LIN28B: variants seen among roughly 807,000 people sequenced by gnomAD.
LIN28B encodes the protein protein lin-28 homolog B.
Under a neutral mutation model 21.9 loss-of-function variants are expected in LIN28B, and 5 were observed. The observed-to-expected ratio is 0.23, with a 90% CI of 0.12 to 0.48. The LOEUF is 0.48. LIN28B is among the 20% of genes least tolerant of loss of function. The pLI is 0.98. For synonymous variants in LIN28B, 109 were observed against 111.3 expected, an observed-to-expected ratio of 0.98 and a Z score of 0.13; for missense variants, 245 against 310.5, an observed-to-expected ratio of 0.79 and a Z score of 1.58.
intron 3 of LIN28B, among the ~76,000 whole-genome samples, chr6:105,057,677 T>C (rs2114396155): frequency 6.6e-6 from 1 of 152,340 alleles, no homozygotes; most frequent in Non-Finnish European, 1.5e-5. Flanking sequence ...TGTATTATTG[T>C]GTAGTTTTAC....
intron 3 of LIN28B, among the ~76,000 whole-genome samples, chr6:105,065,016 T>C (rs1408088450): frequency 6.6e-6 from 1 of 152,230 alleles, no homozygotes; most frequent in Non-Finnish European, 1.5e-5. Flanking sequence ...TTTGGACTTG[T>C]ATAAACAATC....
At chr6:105,069,309 T>A (rs1772283995) in intron 3 of LIN28B, among the ~76,000 whole-genome samples, 1 of 152,186 alleles carries the variant, frequency 6.6e-6, no homozygotes, top group Non-Finnish European at 1.5e-5. Flanking sequence ...ATTTATATGC[T>A]GTTCAAAATT....
intron 2 of LIN28B, among the ~76,000 whole-genome samples, chr6:105,011,982 AC>A (rs1435531857): frequency 6.6e-6 from 1 of 152,016 alleles, no homozygotes; most frequent in Admixed American, 6.6e-5. Flanking sequence ...ACATGGTGAA[AC>A]CCCATCTCTA....
At chr6:104,991,804 A>T (rs902560188) in intron 2 of LIN28B, among the ~76,000 whole-genome samples, 8 of 152,178 alleles carry the variant, frequency 5.3e-5, no homozygotes, top group Non-Finnish European at 1.0e-4. Context: ...CGCGGTTAGG[A>T]GCTGGAGACC....
intron 2 of LIN28B, among the ~76,000 whole-genome samples, chr6:104,945,037 GCTA>G (rs1327027200): frequency 2.6e-5 from 4 of 152,070 alleles, no homozygotes; most frequent in African/African-American, 9.7e-5. Context: ...GAGCCGAAAT[GCTA>G]CTTTTATGTT....
intron 3 of LIN28B, among the ~76,000 whole-genome samples, chr6:105,057,049 A>T (rs914372189): frequency 6.6e-6 from 1 of 152,228 alleles, no homozygotes. Flanking sequence ...CATATTCAGA[A>T]GCCCACTGAA....
At chr6:104,981,213 T>C (rs1770216511) in intron 2 of LIN28B, among the ~76,000 whole-genome samples, 1 of 152,220 alleles carries the variant, frequency 6.6e-6, no homozygotes, top group Non-Finnish European at 1.5e-5. Flanking sequence ...ACTTGGGTTT[T>C]TTTTCCTCCC....
chr6:105,018,873 C>T (rs988080084), intron 2 of LIN28B, among the ~76,000 whole-genome samples: 14 of 152,096 alleles, frequency 9.2e-5, no homozygotes, highest in Admixed American at 7.9e-4. Context: ...TCTCAAATAG[C>T]TCTGGATATA....
rs115137340 is a variant in LIN28B at position 105,027,599 on chromosome 6, A to C, written c.383+1117A>C. 5.0e-3 allele frequency among the ~76,000 whole-genome samples: 766 copies of C among 152,072 alleles called. 5 individuals carry two copies. Among genetic ancestry groups the C allele is most frequent in the African/African-American group, 0.018 (734 of 41,562 alleles). ...AGCTTATAAAATATATTTTATCTTTAATGATAGTTTTTAAAAAGTATTTTG... is the reference window on the plus strand; with the variant it reads ...AGCTTATAAAATATATTTTATCTTTCATGATAGTTTTTAAAAAGTATTTTG... On this transcript the variant is annotated intron_variant, in intron 3 of 3. Coordinates refer to ENST00000345080, the MANE Select transcript of LIN28B (RefSeq NM_001004317.4).
chr6:105,018,896 T>A (rs1332594484), intron 2 of LIN28B, among the ~76,000 whole-genome samples: 1 of 152,088 alleles, frequency 6.6e-6, no homozygotes, highest in African/African-American at 2.4e-5. Flanking sequence ...AAATAGATGG[T>A]GTATAAAATT....
intron 3 of LIN28B, among the ~76,000 whole-genome samples, chr6:105,076,175 A>G (rs1432962698): frequency 6.6e-6 from 1 of 152,180 alleles, no homozygotes. Context: ...GTAATACTTT[A>G]TTAAGATATG....
chr6:104,979,450 C>T (rs1770174879), intron 2 of LIN28B, among the ~76,000 whole-genome samples: 1 of 152,062 alleles, frequency 6.6e-6, no homozygotes, highest in South Asian at 2.1e-4. Flanking sequence ...CTCAAGTCAT[C>T]CACCCGCCTT....
At chr6:105,039,372 G>A (rs999779099) in intron 3 of LIN28B, among the ~76,000 whole-genome samples, 1 of 152,140 alleles carries the variant, frequency 6.6e-6, no homozygotes, top group Non-Finnish European at 1.5e-5. Context: ...TTAAATTATA[G>A]TATATTCTTA....
intron 2 of LIN28B, among the ~76,000 whole-genome samples, chr6:104,944,801 C>T (rs1298217702): frequency 1.3e-5 from 2 of 151,930 alleles, no homozygotes; most frequent in Non-Finnish European, 2.9e-5. Flanking sequence ...GGTTGATATG[C>T]AGGATCATCA....
intron 3 of LIN28B, among the ~76,000 whole-genome samples, chr6:105,045,874 T>G (rs1295476160): frequency 1.3e-5 from 2 of 152,118 alleles, no homozygotes. Flanking sequence ...CTCCAAGTGA[T>G]CAGTATGTAA....
At chr6:104,955,389 C>A (rs1778272381), upstream of LIN28B, among the ~76,000 whole-genome samples, 1 of 151,318 alleles carries the variant, frequency 6.6e-6, no homozygotes, top group South Asian at 2.1e-4. Context: ...GCCCTTTTTC[C>A]TGAGAAATAA....
chr6:105,048,659 G>A (rs1270191610), intron 3 of LIN28B, among the ~76,000 whole-genome samples: 1 of 152,090 alleles, frequency 6.6e-6, no homozygotes. Context: ...ACTTTTTTTG[G>A]TTGGTGGGCT....
upstream of LIN28B, among the ~76,000 whole-genome samples, chr6:104,956,031 TCA>T (rs2114561468): frequency 6.6e-6 from 1 of 152,260 alleles, no homozygotes; most frequent in Admixed American, 6.5e-5. Flanking sequence ...TTTCGTTTAT[TCA>T]ACTCTTCTAG....
intron 2 of LIN28B, among the ~76,000 whole-genome samples, chr6:104,938,791 C>T (rs893275814): frequency 1.6e-4 from 25 of 152,134 alleles, no homozygotes; most frequent in African/African-American, 6.0e-4. Flanking sequence ...TCGCCCCTTT[C>T]GGGTACCTTA....
Sources: allele counts gnomAD v4.1 joint callset (sites outside exome capture counted in the v4.1 genomes callset), GRCh38; gene constraint gnomAD v4.1.1; transcripts MANE v1.5; gene names NCBI Gene and HGNC (gene_info 2026-07-23, HGNC 2026-07-21).